The following FECH variants were observed in gnomAD, a reference collection of about 807,000 sequenced individuals.
FECH encodes ferrochelatase, mitochondrial.
Under a neutral mutation model 56.9 loss-of-function variants are expected in FECH, and 40 were observed. The observed-to-expected ratio is 0.70, with a 90% CI of 0.55 to 0.92. The LOEUF (loss-of-function observed/expected upper bound fraction) is 0.92, where lower values mean the gene tolerates loss of function less well. Ranked by LOEUF, FECH falls within the 40% of genes least tolerant of loss-of-function variation. The pLI, the probability that FECH is intolerant of heterozygous loss-of-function variation, is 0.00. For synonymous variants in FECH, 175 were observed against 198.6 expected (o/e 0.88, Z 1.00); for missense variants, 431 against 529.1 (o/e 0.81, Z 1.82).
intron 1 of FECH, chr18:57,585,876 G>A (rs1280964640): frequency 6.6e-6 from 1 of 152,284 alleles, no homozygotes; most frequent in Non-Finnish European, 1.5e-5. Flanking sequence ...AAGCTCTGGC[G>A]AGGTTAGGTG....
Position 57,550,131 on chromosome 18 carries a change from A to T in FECH, c.*581T>A, listed in dbSNP as rs751893413. 6.5e-6 allele frequency: 1 copy of T among 153,552 alleles called. No homozygotes were observed. Among genetic ancestry groups the T allele is most frequent in the Non-Finnish European group, 1.4e-5 (1 of 68,996 alleles). 9.5% of individuals were successfully genotyped at this position (153,552 alleles called of 1,614,324 possible). A position where few individuals can be genotyped will look rare whatever the true frequency, so the allele number is the denominator to read the frequency against. On this transcript the variant is annotated 3_prime_UTR_variant, in exon 11 of 11. Transcript: ENST00000262093. ...TTACATTGAGGAAAGTGAGATTCAC[A>T]CACAAATACCAAGATGACCAATGAA...
intron 5 of FECH, among the ~76,000 whole-genome samples, chr18:57,565,532 G>C (rs2051004642): frequency 6.6e-6 from 1 of 151,644 alleles, no homozygotes; most frequent in Admixed American, 6.6e-5. Flanking sequence ...CTTGAACCCG[G>C]GAGATGGAGG....
At position 57,549,386 on chromosome 18, in the gene FECH, T is replaced by C. The variant is rs1227415896; in HGVS notation, c.*1326A>G. On this transcript the variant is annotated 3_prime_UTR_variant, in exon 11 of 11. Coordinates refer to ENST00000262093, the MANE Select transcript of FECH (RefSeq NM_000140.5). ...CATAGCCAATTCTCAATATAGAAGA[T>C]TTATGAATCTCCTAATACTTCCACT... is the stretch of plus-strand genomic sequence containing the variant. The C allele has an allele frequency of 6.7e-6, 1 of 149,200 alleles. No individual in the cohort carries two copies. Among genetic ancestry groups the C allele is most frequent in the Admixed American group, 6.7e-5 (1 of 14,872 alleles). The allele number at this position is 149,200 out of a possible 1,614,324, so 9.2% of individuals were successfully genotyped here. A position where few individuals can be genotyped will look rare whatever the true frequency, so the allele number is the denominator to read the frequency against.
intron 1 of FECH, among the ~76,000 whole-genome samples, chr18:57,583,858 G>A (rs1271442152): frequency 2.0e-5 from 3 of 151,748 alleles, no homozygotes; most frequent in Non-Finnish European, 4.4e-5. Context: ...CAAACCGACA[G>A]ATAAGCAGCA....
In FECH at chr18:57,573,071, TC is replaced by T. The variant is rs1373749635; in HGVS notation, c.314+174del. 3 of 685,890 alleles carry T rather than the reference TC, an allele frequency of 4.4e-6. No individual in the cohort carries two copies. In the African/African-American group the frequency reaches 5.4e-5, roughly 12 times the overall value. 42.5% of individuals were successfully genotyped at this position (685,890 alleles called of 1,614,324 possible). ...AATCCCCACTAACTTATTTGCTCTC[TC>T]CCCCTGCAATTTTCTGATATCATAT... On this transcript the variant is annotated intron_variant, in intron 3 of 10. Transcript: ENST00000262093.
intron 2 of FECH, among the ~76,000 whole-genome samples, chr18:57,574,243 C>T (rs1328571905): frequency 6.6e-6 from 1 of 152,160 alleles, no homozygotes; most frequent in Non-Finnish European, 1.5e-5. Flanking sequence ...CCTGCCTCGG[C>T]CTCCCAAAGT....
chr18:57,580,502 C>G (rs1431500208), intron 1 of FECH, among the ~76,000 whole-genome samples: 1 of 152,098 alleles, frequency 6.6e-6, no homozygotes, highest in African/African-American at 2.4e-5. Flanking sequence ...AACCCCTGCA[C>G]GAGACCAACA....
At position 57,551,295 on chromosome 18, in the gene FECH, G is replaced by A. The variant is rs772379635; in HGVS notation, c.1137+20C>T. Reference sequence around the variant, plus strand: ...ACTCTCTGGTATGTTCTACTAAAACGATTGTAACACTGTAGATACCTTAGA... The same window carrying A: ...ACTCTCTGGTATGTTCTACTAAAACAATTGTAACACTGTAGATACCTTAGA... On this transcript the variant is annotated intron_variant, in intron 10 of 10. Transcript: ENST00000262093. 45 of 1,581,352 alleles carry A rather than the reference G, an allele frequency of 2.8e-5. No individual in the cohort carries two copies. In the South Asian group the frequency reaches 4.3e-4, roughly 15 times the overall value.
intron 7 of FECH, among the ~76,000 whole-genome samples, chr18:57,556,164 A>G (rs1207941831): frequency 1.3e-5 from 2 of 152,188 alleles, no homozygotes; most frequent in Non-Finnish European, 2.9e-5. Context: ...CTGACAAATT[A>G]TTTTATGATT....
intron 6 of FECH, among the ~76,000 whole-genome samples, chr18:57,560,732 A>G (rs561260634): frequency 6.6e-6 from 1 of 152,344 alleles, no homozygotes; most frequent in South Asian, 2.1e-4. Flanking sequence ...ACTTTTCTGC[A>G]TATCTAAAAT....
At chr18:57,558,359 A>G (rs1204918833) in intron 7 of FECH, among the ~76,000 whole-genome samples, 1 of 152,244 alleles carries the variant, frequency 6.6e-6, no homozygotes, top group African/African-American at 2.4e-5. Flanking sequence ...GTGTAATATG[A>G]TGAACTAAGG....
intron 6 of FECH, among the ~76,000 whole-genome samples, chr18:57,559,973 G>A (rs2050921106): frequency 6.6e-6 from 1 of 152,154 alleles, no homozygotes; most frequent in Non-Finnish European, 1.5e-5. Context: ...CACGTCGATA[G>A]GTGCTGAAAT....
intron 1 of FECH, among the ~76,000 whole-genome samples, chr18:57,584,658 G>T (rs143790442): frequency 6.6e-6 from 1 of 151,446 alleles, no homozygotes; most frequent in African/African-American, 2.4e-5. Flanking sequence ...AATATGCACC[G>T]TTTTTAAAAT....
At chr18:57,555,312 G>T (rs1470599339) in intron 7 of FECH, among the ~76,000 whole-genome samples, 1 of 152,182 alleles carries the variant, frequency 6.6e-6, no homozygotes, top group Non-Finnish European at 1.5e-5. Context: ...CTACCCTGGT[G>T]GTCATGTGTG....
intron 1 of FECH, among the ~76,000 whole-genome samples, chr18:57,584,716 G>C (rs923042071): frequency 1.3e-5 from 2 of 151,398 alleles, no homozygotes; most frequent in Admixed American, 6.6e-5. Flanking sequence ...TAAACATAGT[G>C]GGTGCTTCAA....
At chr18:57,586,422 C>T in intron 1 of FECH, 132 bp downstream of exon 1, 2 of 990,894 alleles carry the variant, frequency 2.0e-6, no homozygotes, top group Non-Finnish European at 1.4e-6. Context: ...GCCCCTCGCC[C>T]GGTTGCTCGC....
intron 7 of FECH, among the ~76,000 whole-genome samples, chr18:57,556,596 C>T (rs2050870188): frequency 6.6e-6 from 1 of 152,038 alleles, no homozygotes; most frequent in African/African-American, 2.4e-5. Flanking sequence ...CAACTGACAT[C>T]CTAAAAATGA....
At position 57,550,345 on chromosome 18, in the gene FECH, A is replaced by G; in HGVS notation, c.*367T>C. 1 of 238,852 alleles carries G rather than the reference A, an allele frequency of 4.2e-6. No homozygotes were observed. The highest frequency in any genetic ancestry group is 6.0e-5 in the South Asian group (1 of 16,634). The allele number at this position is 238,852 out of a possible 1,614,324, so 14.8% of individuals were successfully genotyped here. A position where few individuals can be genotyped will look rare whatever the true frequency, so the allele number is the denominator to read the frequency against. ...CTAAACAGATCTCATTCACACTGCC[A>G]GCCCACAGAGGGGACTCTCCGTACC... is the stretch of plus-strand genomic sequence containing the variant. On this transcript the variant is annotated 3_prime_UTR_variant, in exon 11 of 11. Transcript: ENST00000262093.
chr18:57,551,507 G>A (rs564144172), intron 9 of FECH, 133 bp from the exon 10 acceptor site: 89 of 712,790 alleles, frequency 1.2e-4, no homozygotes, highest in Admixed American at 9.9e-4. Flanking sequence ...TCAACTGTTC[G>A]CAGACTGCTC....
Sources: allele counts gnomAD v4.1 joint callset (sites outside exome capture counted in the v4.1 genomes callset), GRCh38; gene constraint gnomAD v4.1.1; transcripts MANE v1.5; gene names NCBI Gene and HGNC (gene_info 2026-07-23, HGNC 2026-07-21).